THEMIS: variants seen among roughly 807,000 people sequenced by gnomAD.
THEMIS encodes the protein thymocyte selection associated, also known as protein THEMIS.
Under a neutral mutation model 52.6 loss-of-function variants are expected in THEMIS, and 37 were observed. The ratio of observed to expected loss-of-function variants is 0.70; its 90% CI spans 0.54 to 0.93. The LOEUF is 0.93. Ranked by LOEUF, THEMIS falls within the 40% of genes least tolerant of loss-of-function variation. The pLI is 0.00. For synonymous variants in THEMIS, 292 were observed against 272.7 expected (o/e 1.07, Z -0.70); for missense variants, 808 against 763.1 (o/e 1.06, Z -0.69).
At chr6:127,789,272 T>C (rs1033546926) in intron 4 of THEMIS, among the ~76,000 whole-genome samples, 4 of 152,128 alleles carry the variant, frequency 2.6e-5, no homozygotes, top group African/African-American at 9.6e-5. Flanking sequence ...CTAGAAAATC[T>C]AGAAGAAATT....
chr6:127,701,459 T>A, the THEMIS span, among the ~76,000 whole-genome samples: 1 of 152,248 alleles, frequency 6.6e-6, no homozygotes, highest in South Asian at 2.1e-4. Flanking sequence ...ATGGGTTGCT[T>A]CCAGTTTGAA....
upstream of THEMIS, among the ~76,000 whole-genome samples, chr6:127,902,879 GA>G (rs1198752002): frequency 1.3e-5 from 2 of 151,992 alleles, no homozygotes; most frequent in Non-Finnish European, 2.9e-5. Context: ...CATTTCATTT[GA>G]TATCTAATGC....
intron 4 of THEMIS, among the ~76,000 whole-genome samples, chr6:127,760,804 A>C (rs886765471): frequency 6.6e-6 from 1 of 152,096 alleles, no homozygotes; most frequent in Admixed American, 6.6e-5. Flanking sequence ...AAAAAAGAAA[A>C]TTCTTCTAGA....
chr6:127,724,577 C>T (rs898453552), intron 4 of THEMIS, among the ~76,000 whole-genome samples: 1 of 152,082 alleles, frequency 6.6e-6, no homozygotes, highest in African/African-American at 2.4e-5. Context: ...TGTGACCACG[C>T]TGTAGTCGTA....
chr6:127,913,167 G>C (rs2114535384), intron 1 of THEMIS, among the ~76,000 whole-genome samples: 2 of 152,234 alleles, frequency 1.3e-5, no homozygotes, highest in East Asian at 1.9e-4. Flanking sequence ...ACATAGAGCA[G>C]AGCATCAAGT....
At chr6:127,874,584 A>G (rs1293127881) in intron 1 of THEMIS, among the ~76,000 whole-genome samples, 1 of 152,178 alleles carries the variant, frequency 6.6e-6, no homozygotes, top group African/African-American at 2.4e-5. Flanking sequence ...TCTCCAATAT[A>G]TTTATTTTTA....
chr6:127,775,637 C>CT (rs1170881603), intron 4 of THEMIS, among the ~76,000 whole-genome samples: 1,868 of 141,400 alleles, frequency 0.013, 39 homozygotes, highest in African/African-American at 0.041. Context: ...TTATTTCATG[C>CT]TTTTTTTTTT....
intron 2 of THEMIS, among the ~76,000 whole-genome samples, chr6:127,830,227 C>T (rs1319502825): frequency 6.6e-6 from 1 of 152,200 alleles, no homozygotes; most frequent in Non-Finnish European, 1.5e-5. Context: ...GACACTGGCT[C>T]TGTTCCAACT....
In THEMIS at chr6:127,786,567, A is replaced by G. The variant is rs566354127; in HGVS notation, c.1758+26316T>C. Among the ~76,000 whole-genome samples, 6 of 152,294 alleles carry G rather than the reference A, an allele frequency of 3.9e-5. No individual in the cohort carries two copies. In the South Asian group the frequency reaches 1.2e-3, roughly 32 times the overall value. On this transcript the variant is annotated intron_variant, in intron 4 of 5. Transcript: ENST00000368248. Reference sequence around the variant, plus strand: ...AGTACTATTCTAAGTGGTTTTCTTGAATGAGCTTTCTTAAGCCTCACAACA... The same window carrying G: ...AGTACTATTCTAAGTGGTTTTCTTGGATGAGCTTTCTTAAGCCTCACAACA...
At chr6:127,803,115 T>C (rs1777589981) in intron 4 of THEMIS, among the ~76,000 whole-genome samples, 1 of 152,184 alleles carries the variant, frequency 6.6e-6, no homozygotes, top group Non-Finnish European at 1.5e-5. Context: ...GCAGGCATCC[T>C]CTCTCTTATA....
At chr6:127,760,186 T>C (rs1270846188) in intron 4 of THEMIS, among the ~76,000 whole-genome samples, 1 of 152,044 alleles carries the variant, frequency 6.6e-6, no homozygotes. Flanking sequence ...CAAAGATACG[T>C]TGACCATATA....
intron 2 of THEMIS, among the ~76,000 whole-genome samples, chr6:127,847,489 A>G (rs1779259247): frequency 6.6e-6 from 1 of 152,036 alleles, no homozygotes; most frequent in African/African-American, 2.4e-5. Flanking sequence ...TTAAATCAAC[A>G]ATGACCAAAC....
At position 127,829,815 on chromosome 6, in the gene THEMIS, T is replaced by G. The variant is rs1778637853; in HGVS notation, c.370A>C (p.Lys124Gln). 1 of 1,614,040 alleles carries G rather than the reference T, an allele frequency of 6.2e-7. No individual in the cohort carries two copies. The highest frequency in any genetic ancestry group is 1.7e-5 in the Admixed American group (1 of 60,008). The change falls in exon 3 of 6, where the codon AAA (lysine) becomes CAA (glutamine). Residue 124 changes from lysine (K) to glutamine (Q), a missense_variant. By Grantham distance (53) the Lys-to-Gln change is moderately conservative. Coordinates refer to ENST00000368248, the MANE Select transcript of THEMIS (RefSeq NM_001010923.3). The stretch of plus-strand genomic sequence containing the variant: ...TGCTTTATGATGAGGTTCTCTAGTT[T>G]TATATCCTTCTGATGATAGAAGCAA... ...HPCFYHQKDIKLENLIIKQGE... is the reference protein window; with the variant it reads ...HPCFYHQKDIQLENLIIKQGE...
intron 4 of THEMIS, among the ~76,000 whole-genome samples, chr6:127,729,175 T>A (rs1237440377): frequency 1.2e-4 from 7 of 58,506 alleles, no homozygotes. Flanking sequence ...TCTCTCTCTC[T>A]CTCTCTCTCT....
rs143275238 is a variant in THEMIS, at chr6:127,878,799, A to G, written c.91+22043T>C. On this transcript the variant is annotated intron_variant, in intron 1 of 5. Transcript: ENST00000368248. ...TTCTAAAAACATGATGCTTTCTTGA[A>G]TAATTCTGCTTTGTCTTTCAAAGGG... 3.3e-3 allele frequency among the ~76,000 whole-genome samples: 500 copies of G among 152,344 alleles called. 1 individual carries two copies. Among genetic ancestry groups the G allele is most frequent in the African/African-American group, 0.012 (487 of 41,578 alleles).
intron 2 of THEMIS, among the ~76,000 whole-genome samples, chr6:127,832,593 C>T (rs1261166131): frequency 6.6e-6 from 1 of 151,838 alleles, no homozygotes; most frequent in South Asian, 2.1e-4. Flanking sequence ...TTTTTTTCAT[C>T]TTTTTCTCAA....
chr6:127,874,480 G>A (rs1780254358), intron 1 of THEMIS, among the ~76,000 whole-genome samples: 1 of 152,070 alleles, frequency 6.6e-6, no homozygotes, highest in Non-Finnish European at 1.5e-5. Context: ...ATATTGTATG[G>A]ATTCATGACA....
At chr6:127,898,926 A>G (rs1028273046) in intron 1 of THEMIS, among the ~76,000 whole-genome samples, 16 of 151,870 alleles carry the variant, frequency 1.1e-4, no homozygotes, top group African/African-American at 3.6e-4. Context: ...AATTGATATC[A>G]TGGAGATAGA....
In THEMIS at chr6:127,709,692, G is replaced by A. The variant is rs1773908473; in HGVS notation, c.*293C>T. 1 of 276,856 alleles carries A rather than the reference G, an allele frequency of 3.6e-6. No individual in the cohort carries two copies. The highest frequency in any genetic ancestry group is 6.7e-6 in the Non-Finnish European group (1 of 149,702). 17.1% of individuals were successfully genotyped at this position (276,856 alleles called of 1,614,324 possible). A position where few individuals can be genotyped will look rare whatever the true frequency, so the allele number is the denominator to read the frequency against. On this transcript the variant is annotated 3_prime_UTR_variant, in exon 6 of 6. Transcript: ENST00000368248. Reference sequence around the variant, plus strand: ...TTATTTCCCAATTACTTAGTTGTTGGTAGTAGAAATAAGAATCTGAAAAAA... The same window carrying A: ...TTATTTCCCAATTACTTAGTTGTTGATAGTAGAAATAAGAATCTGAAAAAA...
Sources: gnomAD v4.1 joint callset for allele counts (sites outside exome capture counted in the v4.1 genomes callset) on GRCh38, gnomAD v4.1.1 for gene constraint, MANE v1.5 for transcripts, NCBI Gene and HGNC (gene_info 2026-07-23, HGNC 2026-07-21) for gene names.